The following GNAQ variants were observed in gnomAD, a reference collection of about 807,000 sequenced individuals.
The protein encoded by GNAQ is G protein subunit alpha q.
GNAQ carries 8 observed loss-of-function variants against 43.9 expected under a neutral mutation model. The ratio of observed to expected loss-of-function variants is 0.18; its 90% CI spans 0.11 to 0.33. The LOEUF (loss-of-function observed/expected upper bound fraction) is 0.33. GNAQ is among the 10% of genes least tolerant of loss of function. The pLI is 1.00. For synonymous variants in GNAQ, 155 were observed against 170.7 expected (o/e 0.91, Z 0.71); for missense variants, 158 against 450.8 (o/e 0.35, Z 5.88).
intron 2 of GNAQ, among the ~76,000 whole-genome samples, chr9:77,902,919 T>C (rs1828636347): frequency 6.6e-6 from 1 of 152,194 alleles, no homozygotes; most frequent in African/African-American, 2.4e-5. Flanking sequence ...CTGGAGTTTC[T>C]GCTTTAACAA....
intron 2 of GNAQ, among the ~76,000 whole-genome samples, chr9:77,829,712 C>T (rs1827265318): frequency 6.6e-6 from 1 of 152,124 alleles, no homozygotes. Context: ...TTCTGCATCG[C>T]CTTAGAGCTT....
chr9:77,768,825 T>C (rs1564105360), intron 5 of GNAQ, among the ~76,000 whole-genome samples: 1 of 152,222 alleles, frequency 6.6e-6, no homozygotes, highest in Non-Finnish European at 1.5e-5. Flanking sequence ...CAGGGCACTC[T>C]TGGTGTTGGC....
chr9:77,920,945 G>T (rs1828986722), intron 2 of GNAQ, among the ~76,000 whole-genome samples: 1 of 152,186 alleles, frequency 6.6e-6, no homozygotes, highest in Non-Finnish European at 1.5e-5. Context: ...TTTAGCAGTG[G>T]GTTCACTTTG....
intron 5 of GNAQ, among the ~76,000 whole-genome samples, chr9:77,770,905 G>GAA (rs1826213184): frequency 6.6e-6 from 1 of 151,958 alleles, no homozygotes; most frequent in African/African-American, 2.4e-5. Flanking sequence ...TTCAGATCAT[G>GAA]AAAAATAAAA....
chr9:77,722,468 C>T (rs1237508331), intron 6 of GNAQ, among the ~76,000 whole-genome samples: 1 of 151,928 alleles, frequency 6.6e-6, no homozygotes, highest in Non-Finnish European at 1.5e-5. Flanking sequence ...AAGAAGGAGT[C>T]TCTTATGTAC....
At chr9:78,023,019 A>G (rs2118609998) in intron 1 of GNAQ, among the ~76,000 whole-genome samples, 1 of 152,320 alleles carries the variant, frequency 6.6e-6, no homozygotes, top group South Asian at 2.1e-4. Context: ...ATGCCTACAC[A>G]TGCCTACAGC....
At chr9:78,023,846 G>A (rs1226693783) in intron 1 of GNAQ, among the ~76,000 whole-genome samples, 5 of 148,952 alleles carry the variant, frequency 3.4e-5, no homozygotes, top group Non-Finnish European at 6.0e-5. Flanking sequence ...ATCACTGTTC[G>A]CTTCCGGTAA....
chr9:77,923,256 A>G (rs1201907344), intron 1 of GNAQ, among the ~76,000 whole-genome samples: 1 of 152,170 alleles, frequency 6.6e-6, no homozygotes, highest in African/African-American at 2.4e-5. Context: ...GAGTTATTCC[A>G]AGGAATCACG....
intron 1 of GNAQ, among the ~76,000 whole-genome samples, chr9:77,949,934 C>A (rs1317810485): frequency 6.6e-6 from 1 of 152,102 alleles, no homozygotes; most frequent in African/African-American, 2.4e-5. Context: ...AAAAAAGATT[C>A]CCGATCCATG....
chr9:77,751,848 A>C (rs926196979), intron 5 of GNAQ, among the ~76,000 whole-genome samples: 1 of 152,254 alleles, frequency 6.6e-6, no homozygotes, highest in African/African-American at 2.4e-5. Flanking sequence ...AGGTCACTGA[A>C]GTGAAGTTAC....
chr9:77,880,173 A>G (rs189543283), intron 2 of GNAQ, among the ~76,000 whole-genome samples: 1 of 152,340 alleles, frequency 6.6e-6, no homozygotes, highest in East Asian at 1.9e-4. Context: ...TGTGAGAAGC[A>G]GCTGAACTGT....
chr9:77,717,267 T>G lies in GNAQ; in HGVS notation c.*4056A>C, dbSNP rs1424736576. On this transcript the variant is annotated 3_prime_UTR_variant, in exon 7 of 7. Coordinates refer to ENST00000286548, the MANE Select transcript of GNAQ (RefSeq NM_002072.5). Reference sequence around the variant, plus strand: ...CACACCTTATTTGTATCAATTGAGATGTTGATTACCAATTAAGTGGTTTTA... The same window carrying G: ...CACACCTTATTTGTATCAATTGAGAGGTTGATTACCAATTAAGTGGTTTTA... 2 of 232,488 alleles carry G rather than the reference T, an allele frequency of 8.6e-6. No homozygotes were observed. Among genetic ancestry groups the G allele is most frequent in the Non-Finnish European group, 1.7e-5 (2 of 117,590 alleles). 14.4% of individuals were successfully genotyped at this position (232,488 alleles called of 1,614,324 possible).
chr9:77,807,700 CAG>C (rs1260438746), intron 3 of GNAQ, among the ~76,000 whole-genome samples: 5 of 152,170 alleles, frequency 3.3e-5, no homozygotes, highest in Admixed American at 3.3e-4. Context: ...TTCAGAGCAT[CAG>C]AGTCTTAAAC....
intron 2 of GNAQ, among the ~76,000 whole-genome samples, chr9:77,864,221 G>A (rs960616904): frequency 1.0e-4 from 15 of 150,078 alleles, no homozygotes; most frequent in Middle Eastern, 3.4e-3. Context: ...AACAGAGCGC[G>A]AATGCACTCA....
At chr9:77,844,177 C>A (rs548202325) in intron 2 of GNAQ, among the ~76,000 whole-genome samples, 2 of 152,210 alleles carry the variant, frequency 1.3e-5, no homozygotes, top group Non-Finnish European at 2.9e-5. Context: ...GGTTGTGGTG[C>A]ACTAATTGGT....
chr9:77,794,242 G>C (rs948123118), intron 5 of GNAQ, among the ~76,000 whole-genome samples: 27 of 152,084 alleles, frequency 1.8e-4, no homozygotes, highest in African/African-American at 6.5e-4. Flanking sequence ...GTGTTAAAAA[G>C]TATCAAATAG....
chr9:77,864,801 T>C (rs938797297), intron 2 of GNAQ, among the ~76,000 whole-genome samples: 1 of 152,218 alleles, frequency 6.6e-6, no homozygotes, highest in Non-Finnish European at 1.5e-5. Flanking sequence ...CACACTCTTT[T>C]CTGGTTCTGC....
intron 1 of GNAQ, among the ~76,000 whole-genome samples, chr9:77,939,415 C>A (rs1564157785): frequency 6.6e-6 from 1 of 152,172 alleles, no homozygotes; most frequent in Non-Finnish European, 1.5e-5. Context: ...ATTTTAGTCA[C>A]CTTATTGAAA....
At chr9:77,853,098 TACCA>T (rs1827696339) in intron 2 of GNAQ, among the ~76,000 whole-genome samples, 1 of 152,328 alleles carries the variant, frequency 6.6e-6, no homozygotes, top group East Asian at 1.9e-4. Flanking sequence ...TAAGAATTGT[TACCA>T]ACCAAACTAT....
Sources: allele counts gnomAD v4.1 joint callset (sites outside exome capture counted in the v4.1 genomes callset), GRCh38; gene constraint gnomAD v4.1.1; transcripts MANE v1.5; gene names NCBI Gene and HGNC (gene_info 2026-07-23, HGNC 2026-07-21).